Variants in KCNMA1 observed in about 807,000 individuals in gnomAD.
The protein encoded by KCNMA1 is Calcium-activated potassium channel subunit alpha-1.
A neutral mutation model predicts 140.0 loss-of-function variants in KCNMA1; 29 were observed. The observed-to-expected ratio is 0.21, with a 90% confidence interval of 0.15 to 0.28. KCNMA1 has a LOEUF of 0.28. Ranked by LOEUF, KCNMA1 falls within the 10% of genes least tolerant of loss-of-function variation. The pLI, the probability that KCNMA1 is intolerant of heterozygous loss-of-function variation, is 1.00. For missense variants in KCNMA1, 880 were observed against 1,602.2 expected, an observed-to-expected ratio of 0.55 and a Z score of 7.70; for synonymous variants, 612 against 611.9, an observed-to-expected ratio of 1.00 and a Z score of 0.00.
intron 14 of KCNMA1, among the ~76,000 whole-genome samples, chr10:77,047,672 T>G (rs2095149109): frequency 6.6e-6 from 1 of 151,834 alleles, no homozygotes; most frequent in Admixed American, 6.6e-5. Context: ...TGTTTACACT[T>G]AAGAGCCTTT....
At chr10:77,442,107 T>C (rs932372060) in intron 1 of KCNMA1, among the ~76,000 whole-genome samples, 1 of 152,162 alleles carries the variant, frequency 6.6e-6, no homozygotes, top group Non-Finnish European at 1.5e-5. Context: ...AAAGGTCCGT[T>C]TGCTTTAGGC....
chr10:77,630,069 G>C (rs567189922), intron 1 of KCNMA1, among the ~76,000 whole-genome samples: 4 of 152,146 alleles, frequency 2.6e-5, no homozygotes, highest in Non-Finnish European at 4.4e-5. Flanking sequence ...ACGGTGCCAC[G>C]CGTGTCCCCC....
intron 1 of KCNMA1, among the ~76,000 whole-genome samples, chr10:77,571,470 C>T (rs1555461641): frequency 1.3e-5 from 2 of 152,198 alleles, no homozygotes; most frequent in Non-Finnish European, 2.9e-5. Flanking sequence ...AAACCCCAAA[C>T]TTGCATGAAG....
At chr10:77,103,304 C>T (rs1269629355) in intron 9 of KCNMA1, among the ~76,000 whole-genome samples, 1 of 152,208 alleles carries the variant, frequency 6.6e-6, no homozygotes, top group African/African-American at 2.4e-5. Flanking sequence ...CCCTAACTCC[C>T]TCCAGCGGGA....
At chr10:77,510,619 C>T (rs1238285907) in intron 1 of KCNMA1, among the ~76,000 whole-genome samples, 1 of 148,460 alleles carries the variant, frequency 6.7e-6, no homozygotes, top group African/African-American at 2.5e-5. Context: ...CTGGCAAGAC[C>T]CTGTCTCTAC....
chr10:77,227,339 C>T (rs1175920961), intron 3 of KCNMA1, among the ~76,000 whole-genome samples: 1 of 152,166 alleles, frequency 6.6e-6, no homozygotes, highest in Non-Finnish European at 1.5e-5. Context: ...TAATGAATTT[C>T]AGGGCTCCAT....
chr10:77,324,971 C>CTCTCTCTCTCTCTCTG lies in KCNMA1; in HGVS notation c.541-73716_541-73715insCAGAGAGAGAGAGAGA, dbSNP rs766240356. Among the ~76,000 whole-genome samples, 43 of 90,444 alleles carry CTCTCTCTCTCTCTCTG rather than the reference C, an allele frequency of 4.8e-4. 1 individual carries two copies. The highest frequency in any genetic ancestry group is 8.1e-4 in the Non-Finnish European group (38 of 46,692). The allele number at this position is 90,444 out of a possible 152,430, so 59.3% of individuals were successfully genotyped here. ...TCTCTCTCTCTCTCTCTCTCTCTCT[C>CTCTCTCTCTCTCTCTG]TGTGTGTGTGTGTGTGTGTGTGTGT... On this transcript the variant is annotated intron_variant, in intron 2 of 27. Transcript: ENST00000286628.
In KCNMA1 at chr10:77,476,105, C is replaced by G. The variant is rs189082166; in HGVS notation, c.379-72082G>C. Among the ~76,000 whole-genome samples, 586 of 152,324 alleles carry G rather than the reference C, an allele frequency of 3.8e-3. 2 individuals carry two copies. The highest frequency in any genetic ancestry group is 7.9e-3 in the Admixed American group (121 of 15,304). On this transcript the variant is annotated intron_variant, in intron 1 of 27. Coordinates refer to ENST00000286628, the MANE Select transcript of KCNMA1 (RefSeq NM_001161352.2). ...GCACGGTGCTGGCCTCCTCCAGCGA[C>G]TTTGAGCAGGAGAGCAAATGAGTCA...
intron 17 of KCNMA1, among the ~76,000 whole-genome samples, chr10:77,018,393 T>G (rs543028438): frequency 7.9e-5 from 12 of 152,214 alleles, no homozygotes; most frequent in Non-Finnish European, 1.5e-4. Context: ...CATGTTGTGC[T>G]GCAAAGGGCC....
intron 2 of KCNMA1, among the ~76,000 whole-genome samples, chr10:77,363,703 T>C (rs2094149740): frequency 1.3e-5 from 2 of 152,188 alleles, no homozygotes; most frequent in African/African-American, 2.4e-5. Flanking sequence ...TCACTTCTCC[T>C]TCCTTGACTG....
intron 23 of KCNMA1, among the ~76,000 whole-genome samples, chr10:76,926,079 A>G (rs2057597416): frequency 6.6e-6 from 1 of 152,186 alleles, no homozygotes; most frequent in Non-Finnish European, 1.5e-5. Flanking sequence ...GCAGATGAAT[A>G]GGAAACTGGG....
intron 1 of KCNMA1, chr10:77,634,628 A>C: frequency 1.0e-6 from 1 of 985,356 alleles, no homozygotes; most frequent in Non-Finnish European, 1.2e-6. Flanking sequence ...AACCCATCTG[A>C]GGGCTGGTAG....
At chr10:76,877,449 T>C (rs1044297150), downstream of KCNMA1, 7 of 166,008 alleles carry the variant, frequency 4.2e-5, no homozygotes, top group Non-Finnish European at 9.1e-5. Flanking sequence ...TATTTGACAA[T>C]GAAAAGAAAA....
intron 5 of KCNMA1, among the ~76,000 whole-genome samples, chr10:77,166,006 G>A (rs917368976): frequency 6.6e-6 from 1 of 152,072 alleles, no homozygotes. Context: ...GAGTCTCTGC[G>A]GGCTATGGGA....
At chr10:77,600,023 C>T (rs920118061) in intron 1 of KCNMA1, among the ~76,000 whole-genome samples, 2 of 152,216 alleles carry the variant, frequency 1.3e-5, no homozygotes, top group Non-Finnish European at 2.9e-5. Flanking sequence ...ATCTCCATGT[C>T]ACAAGAAGTC....
chr10:77,540,748 C>A (rs2059977410), intron 1 of KCNMA1, among the ~76,000 whole-genome samples: 1 of 152,188 alleles, frequency 6.6e-6, no homozygotes, highest in South Asian at 2.1e-4. Context: ...TGCCTGTAAT[C>A]CCAGCACTTC....
chr10:76,986,541 T>C (rs571455818), intron 19 of KCNMA1, among the ~76,000 whole-genome samples: 41 of 152,264 alleles, frequency 2.7e-4, no homozygotes, highest in Non-Finnish European at 4.4e-4. Flanking sequence ...TCTGGACAGA[T>C]GCAAAGGGTG....
chr10:77,078,803 A>C (rs1031964907), intron 13 of KCNMA1, among the ~76,000 whole-genome samples: 1 of 152,244 alleles, frequency 6.6e-6, no homozygotes, highest in Non-Finnish European at 1.5e-5. Context: ...TTACTGAATA[A>C]GTAAATGACT....
chr10:77,451,422 C>T (rs1380279480), intron 1 of KCNMA1, among the ~76,000 whole-genome samples: 5 of 152,180 alleles, frequency 3.3e-5, no homozygotes, highest in Admixed American at 6.5e-5. Flanking sequence ...ACTTCAACCT[C>T]GACCCTGTCT....
Sources: gnomAD v4.1 joint callset for allele counts (sites outside exome capture counted in the v4.1 genomes callset) on GRCh38, gnomAD v4.1.1 for gene constraint, MANE v1.5 for transcripts, NCBI Gene and HGNC (gene_info 2026-07-23, HGNC 2026-07-21) for gene names.